Variants in RPSA2 observed in about 807,000 individuals in gnomAD.
RPSA2 encodes small ribosomal subunit protein uS2B.
At chr19:23,778,245 T>C in the RPSA2 span, among the ~76,000 whole-genome samples, 1 of 152,320 alleles carries the variant, frequency 6.6e-6, no homozygotes, top group Non-Finnish European at 1.5e-5. Context: ...GGAGTTTCAC[T>C]CTTGTTTCCC....
chr19:23,864,576 C>T, the RPSA2 span, among the ~76,000 whole-genome samples: 1 of 152,078 alleles, frequency 6.6e-6, no homozygotes, highest in African/African-American at 2.4e-5. Context: ...CAGGACTCTC[C>T]ATAATAAGTA....
chr19:23,779,105 A>C, the RPSA2 span, among the ~76,000 whole-genome samples: 1 of 139,486 alleles, frequency 7.2e-6, no homozygotes, highest in Admixed American at 8.2e-5. Context: ...GGCTCATGCC[A>C]TTCTCCTGCC....
At chr19:23,858,429 T>C in the RPSA2 span, among the ~76,000 whole-genome samples, 1 of 152,110 alleles carries the variant, frequency 6.6e-6, no homozygotes, top group Admixed American at 6.6e-5. Context: ...ACAACTAGAG[T>C]TTGCTGTCTT....
At chr19:23,760,203 C>G in the RPSA2 span, among the ~76,000 whole-genome samples, 1 of 152,126 alleles carries the variant, frequency 6.6e-6, no homozygotes, top group Non-Finnish European at 1.5e-5. Flanking sequence ...GACTCCATCC[C>G]TATCTCCACA....
the RPSA2 span, among the ~76,000 whole-genome samples, chr19:23,815,344 C>G: frequency 2.6e-5 from 4 of 152,006 alleles, no homozygotes; most frequent in Admixed American, 1.3e-4. Context: ...GGATGTGAGA[C>G]CTGGTGGGAG....
the RPSA2 span, among the ~76,000 whole-genome samples, chr19:23,835,543 T>A: frequency 1.3e-5 from 2 of 152,204 alleles, no homozygotes; most frequent in Non-Finnish European, 2.9e-5. Context: ...AATCTCCCCA[T>A]GCAAATTCTC....
chr19:23,857,037 C>G, the RPSA2 span, among the ~76,000 whole-genome samples: 1 of 152,118 alleles, frequency 6.6e-6, no homozygotes, highest in African/African-American at 2.4e-5. Context: ...TGCAGGAGAC[C>G]AGGGCTTATC....
the RPSA2 span, among the ~76,000 whole-genome samples, chr19:23,790,040 C>T: frequency 6.6e-6 from 1 of 151,982 alleles, no homozygotes; most frequent in South Asian, 2.1e-4. Context: ...TGCTCTGTTG[C>T]CCAGGCTGGA....
At chr19:23,843,887 G>A in the RPSA2 span, among the ~76,000 whole-genome samples, 1 of 152,128 alleles carries the variant, frequency 6.6e-6, no homozygotes, top group African/African-American at 2.4e-5. Flanking sequence ...AGCCTTCTGA[G>A]TAGCTGGGAT....
the RPSA2 span, chr19:23,817,873 A>T: frequency 6.6e-6 from 1 of 152,210 alleles, no homozygotes; most frequent in Admixed American, 6.5e-5. Flanking sequence ...TGTCTTACTC[A>T]AGCTCGTCTT....
the RPSA2 span, among the ~76,000 whole-genome samples, chr19:23,857,951 A>G: frequency 9.2e-5 from 14 of 152,034 alleles, no homozygotes; most frequent in East Asian, 2.7e-3. Context: ...TGGAGAGACA[A>G]TTGCTTCATT....
chr19:23,788,641 C>T, the RPSA2 span, among the ~76,000 whole-genome samples: 1 of 152,124 alleles, frequency 6.6e-6, no homozygotes, highest in Admixed American at 6.5e-5. Context: ...AGCCTCTACC[C>T]TGCCATAAGG....
chr19:23,867,882 T>C, the RPSA2 span, among the ~76,000 whole-genome samples: 42 of 151,536 alleles, frequency 2.8e-4, 1 homozygote, highest in South Asian at 2.1e-4. Context: ...ATTGGGGTCA[T>C]TGATACTTTT....
At chr19:23,845,846 T>C in the RPSA2 span, among the ~76,000 whole-genome samples, 1 of 106,096 alleles carries the variant, frequency 9.4e-6, no homozygotes, top group East Asian at 8.1e-4. Flanking sequence ...TTGTTTTAAT[T>C]GTTTGTAAAT....
At chr19:23,851,572 G>T in the RPSA2 span, among the ~76,000 whole-genome samples, 2 of 152,120 alleles carry the variant, frequency 1.3e-5, no homozygotes, top group Non-Finnish European at 2.9e-5. Flanking sequence ...ATTTTTAGTG[G>T]CATGCATAAC....
the RPSA2 span, among the ~76,000 whole-genome samples, chr19:23,790,144 G>T: frequency 6.6e-6 from 1 of 151,762 alleles, no homozygotes; most frequent in South Asian, 2.1e-4. Context: ...GATTACAGGC[G>T]CCCGCCACTG....
At chr19:23,764,243 T>TAATC in the RPSA2 span, among the ~76,000 whole-genome samples, 2 of 152,166 alleles carry the variant, frequency 1.3e-5, no homozygotes, top group Non-Finnish European at 2.9e-5. Context: ...GGACTTCTTC[T>TAATC]AATCCACTAC....
chr19:23,852,417 G>T, the RPSA2 span, among the ~76,000 whole-genome samples: 7 of 152,274 alleles, frequency 4.6e-5, no homozygotes, highest in Non-Finnish European at 8.8e-5. Flanking sequence ...CTTCAGAGCT[G>T]ACAGCCCTGG....
the RPSA2 span, among the ~76,000 whole-genome samples, chr19:23,830,261 C>T: frequency 2.0e-5 from 3 of 152,202 alleles, no homozygotes; most frequent in Non-Finnish European, 4.4e-5. Flanking sequence ...TCTCCAGCCT[C>T]AGCCTCCTGA....
Sources: gnomAD v4.1 joint callset for allele counts (sites outside exome capture counted in the v4.1 genomes callset) on GRCh38, gnomAD v4.1.1 for gene constraint, MANE v1.5 for transcripts, NCBI Gene and HGNC (gene_info 2026-07-23, HGNC 2026-07-21) for gene names.